The following ACTMAP variants were observed in gnomAD, a reference collection of about 807,000 sequenced individuals.
The protein encoded by ACTMAP is actin maturation protease.
chr19:40,744,404 C>T, the ACTMAP span, among the ~76,000 whole-genome samples: 2 of 152,178 alleles, frequency 1.3e-5, no homozygotes, highest in Non-Finnish European at 2.9e-5. Flanking sequence ...GCAGCCAGCT[C>T]AAGTCCATCT....
chr19:40,741,190 C>T, the ACTMAP span: 2 of 395,364 alleles, frequency 5.1e-6, no homozygotes, highest in East Asian at 7.2e-5. Flanking sequence ...ACCTGTAATC[C>T]CAGCACTTTG....
At chr19:40,745,988 A>G in the ACTMAP span, among the ~76,000 whole-genome samples, 1 of 152,110 alleles carries the variant, frequency 6.6e-6, no homozygotes, top group Non-Finnish European at 1.5e-5. Flanking sequence ...TATTTTTAGT[A>G]GAGATGAGAT....
chr19:40,743,272 A>G, the ACTMAP span, among the ~76,000 whole-genome samples: 1 of 145,974 alleles, frequency 6.9e-6, no homozygotes, highest in Non-Finnish European at 1.5e-5. Flanking sequence ...TTGCTCTGTC[A>G]CCCAGGTTGG....
the ACTMAP span, chr19:40,749,481 C>A: frequency 6.5e-7 from 1 of 1,544,116 alleles, no homozygotes; most frequent in Admixed American, 2.0e-5. Flanking sequence ...GAGACCCTAC[C>A]GGTCCTTGTG....
the ACTMAP span, chr19:40,742,363 C>T: frequency 5.7e-4 from 795 of 1,389,104 alleles, 15 homozygotes; most frequent in East Asian, 0.02. Context: ...CGCCATCACA[C>T]AGTGGGAGAA....
the ACTMAP span, chr19:40,744,456 G>A: frequency 6.5e-7 from 1 of 1,528,304 alleles, no homozygotes; most frequent in Non-Finnish European, 8.8e-7. Flanking sequence ...AGGGCCCAAA[G>A]AATGGAATGA....
the ACTMAP span, among the ~76,000 whole-genome samples, chr19:40,743,528 T>C: frequency 5.3e-5 from 8 of 152,280 alleles, no homozygotes; most frequent in African/African-American, 1.9e-4. Flanking sequence ...CCACCGCGCC[T>C]GGCCAAGCCT....
chr19:40,747,843 G>A, the ACTMAP span, among the ~76,000 whole-genome samples: 2 of 152,068 alleles, frequency 1.3e-5, no homozygotes, highest in South Asian at 2.1e-4. Context: ...TCCATCCTGG[G>A]CAACAGAGCA....
At chr19:40,745,916 C>T in the ACTMAP span, among the ~76,000 whole-genome samples, 2 of 152,204 alleles carry the variant, frequency 1.3e-5, no homozygotes, top group African/African-American at 4.8e-5. Flanking sequence ...AGGTTATCCA[C>T]CCACCTTGGC....
the ACTMAP span, among the ~76,000 whole-genome samples, chr19:40,746,860 A>T: frequency 6.8e-6 from 1 of 148,082 alleles, no homozygotes; most frequent in Non-Finnish European, 1.5e-5. Flanking sequence ...GGGCTGGAGT[A>T]CAGTGGTGCG....
chr19:40,746,626 C>T, the ACTMAP span, among the ~76,000 whole-genome samples: 6 of 152,338 alleles, frequency 3.9e-5, no homozygotes, highest in Admixed American at 3.3e-4. Flanking sequence ...TTGCCCGCCT[C>T]AGCCTACCAA....
the ACTMAP span, among the ~76,000 whole-genome samples, chr19:40,747,379 A>C: frequency 2.0e-5 from 3 of 152,050 alleles, no homozygotes; most frequent in Admixed American, 6.5e-5. Flanking sequence ...TCTACTAAAA[A>C]TACAAAAAAT....
chr19:40,741,805 G>A, the ACTMAP span: 1 of 456,650 alleles, frequency 2.2e-6, no homozygotes. Flanking sequence ...AGGGTTGCCA[G>A]ATCTGCTAAC....
the ACTMAP span, chr19:40,743,993 G>T: frequency 6.2e-7 from 1 of 1,614,024 alleles, no homozygotes; most frequent in East Asian, 2.2e-5. Context: ...TGGCATTAAG[G>T]TAAAAACGAT....
the ACTMAP span, chr19:40,742,609 T>A: frequency 3.7e-6 from 6 of 1,612,338 alleles, no homozygotes; most frequent in East Asian, 2.2e-5. Flanking sequence ...TAGTGCCAAC[T>A]CTTGCCCTGC....
At chr19:40,742,651 C>A in the ACTMAP span, 2 of 1,613,430 alleles carry the variant, frequency 1.2e-6, no homozygotes, top group Middle Eastern at 3.3e-4. Flanking sequence ...CCCGGGGAGC[C>A]CTCCTCTGGC....
At chr19:40,741,077 G>T in the ACTMAP span, 2 of 398,680 alleles carry the variant, frequency 5.0e-6, no homozygotes, top group African/African-American at 4.1e-5. Flanking sequence ...TGGGATGGGG[G>T]ATGCACAGAC....
At chr19:40,749,385 T>G in the ACTMAP span, 2 of 1,278,418 alleles carry the variant, frequency 1.6e-6, no homozygotes, top group Non-Finnish European at 2.2e-6. Context: ...TCAGCCTGTT[T>G]GATCTTGAGG....
the ACTMAP span, chr19:40,742,122 T>A: frequency 1.8e-6 from 1 of 568,856 alleles, no homozygotes; most frequent in Non-Finnish European, 3.3e-6. Flanking sequence ...AGTGTCCCTG[T>A]CCTGTGAGAA....
Sources: gnomAD v4.1 joint callset for allele counts (sites outside exome capture counted in the v4.1 genomes callset) on GRCh38, gnomAD v4.1.1 for gene constraint, MANE v1.5 for transcripts, NCBI Gene and HGNC (gene_info 2026-07-23, HGNC 2026-07-21) for gene names.